The following WFDC8 variants were observed in gnomAD, a reference collection of about 807,000 sequenced individuals.
WFDC8 encodes WAP four-disulfide core domain 8.
A neutral mutation model predicts 27.0 loss-of-function variants in WFDC8; 24 were observed. That is an observed-to-expected ratio of 0.89 (90% CI 0.64 to 1.25). The LOEUF (loss-of-function observed/expected upper bound fraction) is 1.25. Among genes scored for constraint, WFDC8 ranks in the 50% most tolerant of loss-of-function variants. The pLI, the probability that WFDC8 is intolerant of heterozygous loss-of-function variation, is 0.00. For missense variants in WFDC8, 287 were observed against 295.9 expected (o/e 0.97, Z 0.22); for synonymous variants, 106 against 99.7 (o/e 1.06, Z -0.38).
chr20:45,553,918 A>G (rs1195773231), intron 4 of WFDC8, among the ~76,000 whole-genome samples: 2 of 152,174 alleles, frequency 1.3e-5, no homozygotes, highest in African/African-American at 4.8e-5. Context: ...AAGTTTTTCA[A>G]CCAAGATGAG....
At chr20:45,564,975 CAAAG>C (rs1290775501) in intron 1 of WFDC8, among the ~76,000 whole-genome samples, 90 of 56,738 alleles carry the variant, frequency 1.6e-3, no homozygotes, top group Non-Finnish European at 2.9e-3. Flanking sequence ...GAAAGAAAGA[CAAAG>C]AAGGAAGGAA....
intron 3 of WFDC8, among the ~76,000 whole-genome samples, chr20:45,556,320 CTTA>C (rs768116852): frequency 7.2e-5 from 11 of 152,280 alleles, no homozygotes; most frequent in South Asian, 2.1e-4. Context: ...TTGCTAATGA[CTTA>C]TTATTTGCTG....
chr20:45,552,646 C>G (rs1980081381), intron 5 of WFDC8, among the ~76,000 whole-genome samples: 1 of 152,184 alleles, frequency 6.6e-6, no homozygotes, highest in Admixed American at 6.5e-5. Flanking sequence ...CCTGGACAAT[C>G]CCTGGGACTA....
At chr20:45,562,735 CT>C (rs1176357029) in intron 1 of WFDC8, among the ~76,000 whole-genome samples, 1 of 152,160 alleles carries the variant, frequency 6.6e-6, no homozygotes, top group African/African-American at 2.4e-5. Context: ...CCTTTTATTC[CT>C]TCTGTGACTA....
chr20:45,572,129 A>G (rs719996), intron 1 of WFDC8, among the ~76,000 whole-genome samples: 58,727 of 151,952 alleles, frequency 0.39, 11,832 homozygotes, highest in Non-Finnish European at 0.43. Flanking sequence ...AGCCAGGTGC[A>G]GTGGCTCACA....
chr20:45,552,740 C>A (rs1272093781), intron 5 of WFDC8, among the ~76,000 whole-genome samples: 3 of 152,176 alleles, frequency 2.0e-5, no homozygotes, highest in Non-Finnish European at 4.4e-5. Flanking sequence ...TTTTCCCCAG[C>A]CCATCTTACA....
At chr20:45,562,313 C>T in intron 1 of WFDC8, 94 bp from the exon 2 acceptor site, 2 of 1,008,686 alleles carry the variant, frequency 2.0e-6, no homozygotes, top group Non-Finnish European at 3.1e-6. Flanking sequence ...CCACCAGGTC[C>T]CTTTAGTTCA....
In WFDC8 at chr20:45,559,050, T is replaced by C. The variant is rs1980374409; in HGVS notation, c.137-58A>G. The C allele has an allele frequency of 1.9e-6, 3 of 1,602,694 alleles. No homozygotes were observed. In the Admixed American group the frequency reaches 5.0e-5, roughly 27 times the overall value. ...TTCGGAATTTCAGCTCTTTTTCTCC[T>C]ATGGCAAAGGTGTGTAGTGAAATTC... On this transcript the variant is annotated intron_variant, in intron 2 of 5. Coordinates refer to ENST00000289953, the MANE Select transcript of WFDC8 (RefSeq NM_130896.3).
chr20:45,558,006 A>T (rs6104219), intron 3 of WFDC8, among the ~76,000 whole-genome samples: 4 of 152,240 alleles, frequency 2.6e-5, no homozygotes, highest in East Asian at 1.9e-4. Context: ...ACAAGATCAC[A>T]GTGAAACCTG....
At chr20:45,575,696 G>A (rs2145578982) in intron 1 of WFDC8, among the ~76,000 whole-genome samples, 1 of 151,324 alleles carries the variant, frequency 6.6e-6, no homozygotes, top group Admixed American at 6.6e-5. Flanking sequence ...AGATGGCCAG[G>A]AGCTGGGGGA....
At chr20:45,566,838 A>G (rs1241875841) in intron 1 of WFDC8, among the ~76,000 whole-genome samples, 3 of 152,160 alleles carry the variant, frequency 2.0e-5, no homozygotes, top group African/African-American at 4.8e-5. Context: ...GATTGGTTCC[A>G]GGAACTCTCA....
chr20:45,577,093 T>C (rs1244126461), intron 1 of WFDC8, among the ~76,000 whole-genome samples: 1 of 151,404 alleles, frequency 6.6e-6, no homozygotes, highest in Non-Finnish European at 1.5e-5. Context: ...ACGTACACAT[T>C]CCCAGCTGAA....
intron 1 of WFDC8, among the ~76,000 whole-genome samples, chr20:45,573,000 A>T (rs1980922709): frequency 6.6e-6 from 1 of 152,242 alleles, no homozygotes; most frequent in Admixed American, 6.5e-5. Context: ...GGAGTGCCGT[A>T]TATATTTTGA....
chr20:45,566,918 T>C (rs1419306333), intron 1 of WFDC8, among the ~76,000 whole-genome samples: 6 of 152,348 alleles, frequency 3.9e-5, no homozygotes, highest in Non-Finnish European at 8.8e-5. Flanking sequence ...ATAACCTACA[T>C]TCATTCTTCC....
intron 1 of WFDC8, among the ~76,000 whole-genome samples, chr20:45,562,885 A>T (rs1043205930): frequency 6.6e-6 from 1 of 152,134 alleles, no homozygotes; most frequent in African/African-American, 2.4e-5. Flanking sequence ...AAAACTAATA[A>T]TCCTTTACTG....
intron 3 of WFDC8, among the ~76,000 whole-genome samples, chr20:45,557,021 C>T (rs542891422): frequency 1.3e-5 from 2 of 152,258 alleles, no homozygotes; most frequent in African/African-American, 4.8e-5. Flanking sequence ...CTTAGCAAAT[C>T]GATGAGATGC....
intron 1 of WFDC8, 107 bp from the exon 2 acceptor site, chr20:45,562,326 G>A: frequency 1.2e-6 from 1 of 865,866 alleles, no homozygotes; most frequent in Non-Finnish European, 1.9e-6. Flanking sequence ...TTAGTTCACA[G>A]GTAAGAAGAC....
At chr20:45,557,936 TCTC>T (rs1980327067) in intron 3 of WFDC8, among the ~76,000 whole-genome samples, 2 of 152,020 alleles carry the variant, frequency 1.3e-5, no homozygotes, top group Non-Finnish European at 2.9e-5. Context: ...ATTTAAAAAA[TCTC>T]CTAGAACATC....
At chr20:45,578,774 A>AAG (rs1179279552) in intron 1 of WFDC8, among the ~76,000 whole-genome samples, 5 of 152,334 alleles carry the variant, frequency 3.3e-5, no homozygotes, top group African/African-American at 1.2e-4. Flanking sequence ...ATGTTTAGAT[A>AAG]CATATTATAT....
Sources: allele counts gnomAD v4.1 joint callset (sites outside exome capture counted in the v4.1 genomes callset), GRCh38; gene constraint gnomAD v4.1.1; transcripts MANE v1.5; gene names NCBI Gene and HGNC (gene_info 2026-07-23, HGNC 2026-07-21).